RAB3GAP1: variants seen among roughly 807,000 people sequenced by gnomAD.
The protein encoded by RAB3GAP1 is rab3 GTPase-activating protein catalytic subunit.
Under a neutral mutation model 130.7 loss-of-function variants are expected in RAB3GAP1, and 86 were observed. That is an observed-to-expected ratio of 0.66 (90% CI 0.55 to 0.79). The LOEUF is 0.79. Ranked by LOEUF, RAB3GAP1 falls within the 30% of genes least tolerant of loss-of-function variation. The probability of loss-of-function intolerance (pLI) is 0.00; values close to 1 mark genes in which losing one functional copy is unlikely to be tolerated. For synonymous variants in RAB3GAP1, 367 were observed against 401.7 expected (o/e 0.91, Z 1.03); for missense variants, 1,029 against 1,169.4 (o/e 0.88, Z 1.75).
chr2:135,121,907 A>G (rs1691212129), intron 8 of RAB3GAP1, among the ~76,000 whole-genome samples: 1 of 151,998 alleles, frequency 6.6e-6, no homozygotes, highest in Admixed American at 6.5e-5. Context: ...AACCTGGCCA[A>G]CATGGTGAAA....
chr2:135,159,090 AAAAT>A (rs1387418304), intron 19 of RAB3GAP1, among the ~76,000 whole-genome samples: 2 of 152,256 alleles, frequency 1.3e-5, no homozygotes, highest in Non-Finnish European at 2.9e-5. Flanking sequence ...CTCAGAGTAC[AAAAT>A]AAATATCCTT....
In RAB3GAP1 at chr2:135,055,299, C is replaced by T. The variant is rs151180339; in HGVS notation, c.75-2712C>T. Among the ~76,000 whole-genome samples, 40 of 152,266 alleles carry T rather than the reference C, an allele frequency of 2.6e-4. No homozygotes were observed. In the East Asian group the frequency reaches 7.1e-3, roughly 27 times the overall value. On this transcript the variant is annotated intron_variant, in intron 2 of 23. Transcript: ENST00000264158. ...TTAAGGAAAAAATTACTTAGTTTTT[C>T]TAGTCAAATCTCAATACTTGTAGGA...
intron 19 of RAB3GAP1, among the ~76,000 whole-genome samples, chr2:135,155,657 A>G (rs1223663722): frequency 2.0e-5 from 3 of 152,202 alleles, no homozygotes; most frequent in Non-Finnish European, 4.4e-5. Flanking sequence ...AATTGAAAGT[A>G]CAGAATTTTT....
intron 3 of RAB3GAP1, among the ~76,000 whole-genome samples, chr2:135,078,658 C>T (rs1689695101): frequency 1.8e-4 from 2 of 11,200 alleles, no homozygotes; most frequent in African/African-American, 4.8e-4. Context: ...CCCTCCCCTC[C>T]CCTCCCCTCC....
In RAB3GAP1 at chr2:135,162,486, CT is replaced by C. The variant is rs1313338434; in HGVS notation, c.2290-67del. 2.4e-6 allele frequency: 3 copies of C among 1,232,928 alleles called. No homozygotes were observed. The African/African-American group carries it at 4.5e-5, about 18-fold the overall frequency. The allele number at this position is 1,232,928 out of a possible 1,614,324, so 76.4% of individuals were successfully genotyped here. ...TAAGATGAGTGGCTGAGGATTTGCACTTCTGTAAGTGGCTGCTTCATCCTTT... is the reference window on the plus strand; with the variant it reads ...TAAGATGAGTGGCTGAGGATTTGCACTCTGTAAGTGGCTGCTTCATCCTTT... On this transcript the variant is annotated intron_variant, in intron 19 of 23. Coordinates refer to ENST00000264158, the MANE Select transcript of RAB3GAP1 (RefSeq NM_012233.3).
intron 5 of RAB3GAP1, among the ~76,000 whole-genome samples, chr2:135,108,674 G>A (rs997472284): frequency 1.3e-5 from 2 of 152,002 alleles, no homozygotes; most frequent in African/African-American, 4.8e-5. Flanking sequence ...CTTTTGCAGA[G>A]CAAAAATTTT....
At chr2:135,101,009 C>T (rs1690433043) in intron 5 of RAB3GAP1, among the ~76,000 whole-genome samples, 1 of 152,082 alleles carries the variant, frequency 6.6e-6, no homozygotes, top group Admixed American at 6.5e-5. Context: ...ATACTTGAGG[C>T]AGAATTAGTA....
At chr2:135,157,913 A>G (rs972455186) in intron 19 of RAB3GAP1, among the ~76,000 whole-genome samples, 6 of 152,068 alleles carry the variant, frequency 3.9e-5, no homozygotes, top group Non-Finnish European at 7.4e-5. Flanking sequence ...GGGTACAGCA[A>G]TTGTGAAACT....
At chr2:135,074,002 C>T (rs1203705691) in intron 3 of RAB3GAP1, among the ~76,000 whole-genome samples, 1 of 152,126 alleles carries the variant, frequency 6.6e-6, no homozygotes, top group Non-Finnish European at 1.5e-5. Context: ...GGGCATTCCA[C>T]CTATTGGAAA....
chr2:135,164,747 T>A (rs1692583090), intron 23 of RAB3GAP1, 51 bp downstream of exon 23: 1 of 1,430,692 alleles, frequency 7.0e-7, no homozygotes, highest in East Asian at 2.4e-5. Context: ...AACCTCTACT[T>A]GGGAAGAGGC....
chr2:135,059,785 A>T (rs967989655), intron 3 of RAB3GAP1, among the ~76,000 whole-genome samples: 2 of 152,162 alleles, frequency 1.3e-5, no homozygotes, highest in Non-Finnish European at 1.5e-5. Context: ...CATGTAGTAG[A>T]GGCTAATGAA....
intron 5 of RAB3GAP1, among the ~76,000 whole-genome samples, chr2:135,106,748 A>G (rs1353138570): frequency 6.7e-6 from 1 of 150,124 alleles, no homozygotes; most frequent in Non-Finnish European, 1.5e-5. Context: ...AGAATCATCA[A>G]TAAATACTAA....
intron 18 of RAB3GAP1, among the ~76,000 whole-genome samples, chr2:135,152,353 A>T (rs1397164163): frequency 1.3e-5 from 2 of 152,250 alleles, no homozygotes; most frequent in African/African-American, 2.4e-5. Context: ...CTTGGTAGCT[A>T]TGTTCAGCCT....
intron 3 of RAB3GAP1, among the ~76,000 whole-genome samples, chr2:135,080,212 T>C (rs1351910287): frequency 6.6e-6 from 1 of 152,164 alleles, no homozygotes; most frequent in Non-Finnish European, 1.5e-5. Context: ...TTATCTGGCT[T>C]AGTAGGTACT....
intron 18 of RAB3GAP1, among the ~76,000 whole-genome samples, chr2:135,152,286 G>C (rs1186913828): frequency 6.6e-6 from 1 of 152,208 alleles, no homozygotes; most frequent in African/African-American, 2.4e-5. Context: ...GCATGCCCTT[G>C]TGGTACATAC....
intron 19 of RAB3GAP1, among the ~76,000 whole-genome samples, chr2:135,157,690 G>A (rs957995960): frequency 6.6e-6 from 1 of 151,950 alleles, no homozygotes; most frequent in African/African-American, 2.4e-5. Flanking sequence ...AAATTAGCTG[G>A]GGGTGGTAGC....
chr2:135,078,604 AT>A (rs1689692745), intron 3 of RAB3GAP1, among the ~76,000 whole-genome samples: 2 of 139,892 alleles, frequency 1.4e-5, no homozygotes, highest in South Asian at 4.5e-4. Flanking sequence ...TAGGACAAAT[AT>A]CCCCCCATTA....
intron 23 of RAB3GAP1, chr2:135,167,758 A>G (rs758574845): frequency 7.0e-7 from 1 of 1,431,752 alleles, no homozygotes; most frequent in South Asian, 1.2e-5. Context: ...GTTCCTTCCC[A>G]TCCCTCTAAT....
intron 6 of RAB3GAP1, among the ~76,000 whole-genome samples, chr2:135,114,118 T>C (rs1305833807): frequency 6.6e-6 from 1 of 152,198 alleles, no homozygotes; most frequent in Admixed American, 6.5e-5. Flanking sequence ...CATGTTTTTA[T>C]ACTGGAATTT....
Sources: allele counts gnomAD v4.1 joint callset (sites outside exome capture counted in the v4.1 genomes callset), GRCh38; gene constraint gnomAD v4.1.1; transcripts MANE v1.5; gene names NCBI Gene and HGNC (gene_info 2026-07-23, HGNC 2026-07-21).